The following DPYSL2 variants were observed in gnomAD, a reference collection of about 807,000 sequenced individuals.
DPYSL2 encodes the protein dihydropyrimidinase-related protein 2.
In DPYSL2, 13 loss-of-function variants were observed where a neutral mutation model predicts 69.9. That is an observed-to-expected ratio of 0.19 (90% CI 0.12 to 0.30). The LOEUF (loss-of-function observed/expected upper bound fraction) is 0.30, where lower values mean the gene tolerates loss of function less well. DPYSL2 is among the 10% of genes least tolerant of loss of function. The pLI is 1.00. For missense variants in DPYSL2, 587 were observed against 918.9 expected, an observed-to-expected ratio of 0.64 and a Z score of 4.67; for synonymous variants, 326 against 359.1, an observed-to-expected ratio of 0.91 and a Z score of 1.04.
chr8:26,613,745 A>G (rs1802287465), intron 3 of DPYSL2, among the ~76,000 whole-genome samples: 1 of 152,004 alleles, frequency 6.6e-6, no homozygotes, highest in Admixed American at 6.6e-5. Context: ...CTGCTGTTGC[A>G]CTCTTCAGAA....
chr8:26,655,638 C>T lies in DPYSL2; in HGVS notation c.1966C>T (p.Pro656Ser). 3 of 1,609,978 alleles carry T rather than the reference C, an allele frequency of 1.9e-6. No homozygotes were observed. The highest frequency in any genetic ancestry group is 2.5e-6 in the Non-Finnish European group (3 of 1,178,666). Residue 656 changes from proline (P) to serine (S), a missense_variant, in exon 14 of 14, where the codon CCC becomes TCC. Around this residue, in one of 3 missense-constraint regions of DPYSL2, gnomAD observed 452 missense variants for 754.3 expected, o/e 0.60. Transcript: ENST00000521913. ...AGGTGCTCAGATTGATGACAACATT[C>T]CCCGCCGCACCACCCAGCGTATCGT... is the stretch of plus-strand genomic sequence containing the variant. ...LSGAQIDDNI[P>S]RRTTQRIVAP...
In DPYSL2 at chr8:26,605,354, C is replaced by T. The variant is rs887420371; in HGVS notation, c.629-18789C>T. Among the ~76,000 whole-genome samples, 3 of 151,946 alleles carry T rather than the reference C, an allele frequency of 2.0e-5. No homozygotes were observed. Among genetic ancestry groups the T allele is most frequent in the South Asian group, 2.1e-4 (1 of 4,810 alleles). On this transcript the variant is annotated intron_variant, in intron 3 of 13. Coordinates refer to ENST00000521913, the MANE Select transcript of DPYSL2 (RefSeq NM_001197293.3). The surrounding 1 kb of genome is among the most constrained non-coding windows in gnomAD (Gnocchi z 4.1). ...AGGCTGGAGTGCAGTGGTGTGAACT[C>T]GGCTCACTGCAACCTCCAGCTCCCG...
chr8:26,556,125 AT>A (rs1563384799), intron 1 of DPYSL2, among the ~76,000 whole-genome samples: 2 of 9,642 alleles, frequency 2.1e-4, no homozygotes, highest in African/African-American at 5.2e-4. Flanking sequence ...TACTATATAT[AT>A]TATATATACT....
At position 26,582,664 on chromosome 8, in the gene DPYSL2, T is replaced by G. The variant is rs1443061463; in HGVS notation, c.443+607T>G. 6.6e-6 allele frequency among the ~76,000 whole-genome samples: 1 copy of G among 152,216 alleles called. No homozygotes were observed. The highest frequency in any genetic ancestry group is 1.5e-5 in the Non-Finnish European group (1 of 68,048). ...AGGGCAGTTCCTGAGTTTGGGTATT[T>G]TTGGACGCCAGAGGGTTAAGGAAGC... is the stretch of plus-strand genomic sequence containing the variant. On this transcript the variant is annotated intron_variant, in intron 2 of 13. Coordinates refer to ENST00000521913, the MANE Select transcript of DPYSL2 (RefSeq NM_001197293.3). This position sits in a 1 kb window ranked among gnomAD's most constrained non-coding sequence, Gnocchi z 4.1.
At position 26,627,379 on chromosome 8, in the gene DPYSL2, TAACA is replaced by T; in HGVS notation, c.936+85_936+88del. On this transcript the variant is annotated intron_variant, in intron 6 of 13. Transcript: ENST00000521913. This position sits in a 1 kb window ranked among gnomAD's most constrained non-coding sequence, Gnocchi z 6.9. ...AGAAAGGGAAGCTGCATCTGTAGCTTAACACCAAGGTGGAAAAGCAGAGGGACCT... is the reference window on the plus strand; with the variant it reads ...AGAAAGGGAAGCTGCATCTGTAGCTTCCAAGGTGGAAAAGCAGAGGGACCT... The T allele has an allele frequency of 2.1e-6, 3 of 1,419,784 alleles. No homozygotes were observed. The highest frequency in any genetic ancestry group is 3.0e-6 in the Non-Finnish European group (3 of 1,009,200). 87.9% of individuals were successfully genotyped at this position (1,419,784 alleles called of 1,614,324 possible).
intron 10 of DPYSL2, among the ~76,000 whole-genome samples, chr8:26,645,473 A>G (rs1230400980): frequency 1.3e-5 from 2 of 152,170 alleles, no homozygotes; most frequent in Non-Finnish European, 2.9e-5. Flanking sequence ...AAATTTTATC[A>G]TGGAAATATC....
intron 1 of DPYSL2, among the ~76,000 whole-genome samples, chr8:26,526,906 G>A (rs1039316796): frequency 2.6e-5 from 4 of 152,202 alleles, no homozygotes; most frequent in African/African-American, 9.6e-5. Flanking sequence ...CTCTGGGTTG[G>A]GTGATATCAG....
At position 26,626,877 on chromosome 8, in the gene DPYSL2, G is replaced by A. The variant is rs28649929; in HGVS notation, c.855+199G>A. ...TGGCCCCCAGCACTGCCACTCCGCCGCCCTGGATCTGAGGCTCTGCCCCGC... is the reference window on the plus strand; with the variant it reads ...TGGCCCCCAGCACTGCCACTCCGCCACCCTGGATCTGAGGCTCTGCCCCGC... On this transcript the variant is annotated intron_variant, in intron 5 of 13. Coordinates refer to ENST00000521913, the MANE Select transcript of DPYSL2 (RefSeq NM_001197293.3). This position sits in a 1 kb window ranked among gnomAD's most constrained non-coding sequence, Gnocchi z 4.3. 2.8e-3 allele frequency among the ~76,000 whole-genome samples: 419 copies of A among 152,250 alleles called. 1 individual carries two copies. The highest frequency in any genetic ancestry group is 8.1e-3 in the African/African-American group (335 of 41,562).
rs1801588371 is a variant in DPYSL2, at chr8:26,585,820, A to G, written c.628+1837A>G. Among the ~76,000 whole-genome samples the G allele has an allele frequency of 6.6e-6, 1 of 152,174 alleles. No homozygotes were observed. The highest frequency in any genetic ancestry group is 2.1e-4 in the South Asian group (1 of 4,826). Reference sequence around the variant, plus strand: ...GACAGTCAATAAGCCATTAAAAACAATATTTCTCTGGCTGGGCACCATGGT... The same window carrying G: ...GACAGTCAATAAGCCATTAAAAACAGTATTTCTCTGGCTGGGCACCATGGT... On this transcript the variant is annotated intron_variant, in intron 3 of 13. Coordinates refer to ENST00000521913, the MANE Select transcript of DPYSL2 (RefSeq NM_001197293.3). This position sits in a 1 kb window ranked among gnomAD's most constrained non-coding sequence, Gnocchi z 4.0.
chr8:26,583,234 C>T (rs1328596448), intron 2 of DPYSL2, among the ~76,000 whole-genome samples: 1 of 152,010 alleles, frequency 6.6e-6, no homozygotes, highest in Non-Finnish European at 1.5e-5. Flanking sequence ...ATTTTTCTGC[C>T]TTTTAAAATT....
rs184854875 is a variant in DPYSL2 at position 26,610,949 on chromosome 8, G to T, written c.629-13194G>T. 2.6e-5 allele frequency among the ~76,000 whole-genome samples: 4 copies of T among 152,300 alleles called. 1 individual carries two copies. Among genetic ancestry groups the T allele is most frequent in the Admixed American group, 2.6e-4 (4 of 15,300 alleles). On this transcript the variant is annotated intron_variant, in intron 3 of 13. Coordinates refer to ENST00000521913, the MANE Select transcript of DPYSL2 (RefSeq NM_001197293.3). The surrounding 1 kb of genome is among the most constrained non-coding windows in gnomAD (Gnocchi z 4.5). ...CCCTGACAGGGTAAGGAGTCCTAAG[G>T]TTCTGTAGCTAGCCATGGTAGAGCT...
At chr8:26,515,377 G>A (rs1808263056) in intron 1 of DPYSL2, among the ~76,000 whole-genome samples, 2 of 152,224 alleles carry the variant, frequency 1.3e-5, no homozygotes, top group Admixed American at 1.3e-4. Context: ...GCTTCACAGA[G>A]CGCTCCCCAA....
chr8:26,581,686 T>C (rs1223726762), intron 1 of DPYSL2, among the ~76,000 whole-genome samples: 1 of 152,016 alleles, frequency 6.6e-6, no homozygotes, highest in East Asian at 1.9e-4. Flanking sequence ...ATCTTCTTTA[T>C]ATGAAATAAT....
chr8:26,569,562 C>G (rs1332431499), intron 1 of DPYSL2, among the ~76,000 whole-genome samples: 1 of 152,066 alleles, frequency 6.6e-6, no homozygotes, highest in African/African-American at 2.4e-5. Context: ...GTTGTGCGGT[C>G]ACTGTAAGGT....
chr8:26,552,812 A>G (rs893957276), intron 1 of DPYSL2, among the ~76,000 whole-genome samples: 1 of 152,200 alleles, frequency 6.6e-6, no homozygotes, highest in African/African-American at 2.4e-5. Context: ...TGACCCAGTC[A>G]CCTTCCAAAG....
rs1407016954 is a variant in DPYSL2 at position 26,586,938 on chromosome 8, T to C, written c.628+2955T>C. Among the ~76,000 whole-genome samples, 1 of 152,216 alleles carries C rather than the reference T, an allele frequency of 6.6e-6. No individual in the cohort carries two copies. Among genetic ancestry groups the C allele is most frequent in the Non-Finnish European group, 1.5e-5 (1 of 68,036 alleles). ...TATGGTTAGCATTGTGACCCCCAAA[T>C]GCCATTGCTTTTATAGCCTGAGAAA... On this transcript the variant is annotated intron_variant, in intron 3 of 13. Coordinates refer to ENST00000521913, the MANE Select transcript of DPYSL2 (RefSeq NM_001197293.3). This position sits in a 1 kb window ranked among gnomAD's most constrained non-coding sequence, Gnocchi z 4.7.
intron 1 of DPYSL2, among the ~76,000 whole-genome samples, chr8:26,573,946 C>T (rs1418529638): frequency 6.8e-6 from 1 of 148,028 alleles, no homozygotes; most frequent in Non-Finnish European, 1.5e-5. Flanking sequence ...GAACCTTTGT[C>T]CTCGTCATAG....
chr8:26,639,385 A>G (rs531883913), intron 8 of DPYSL2, among the ~76,000 whole-genome samples: 2 of 152,370 alleles, frequency 1.3e-5, no homozygotes, highest in South Asian at 4.1e-4. Flanking sequence ...TGATGTTGGC[A>G]TCGGAGTCCA....
chr8:26,546,641 C>T (rs117361976), intron 1 of DPYSL2, among the ~76,000 whole-genome samples: 2,530 of 151,998 alleles, frequency 0.017, 28 homozygotes, highest in South Asian at 0.054. Flanking sequence ...CTGCAGAGGC[C>T]GGGCGTGGTG....
Sources: gnomAD v4.1 joint callset for allele counts (sites outside exome capture counted in the v4.1 genomes callset) on GRCh38, gnomAD v4.1.1 for gene constraint, gnomAD v4.1.1 regional missense constraint, Gnocchi (gnomAD v3.1) non-coding constraint, MANE v1.5 for transcripts, NCBI Gene and HGNC (gene_info 2026-07-23, HGNC 2026-07-21) for gene names.